Variants in NEGR1 observed in about 807,000 individuals in gnomAD.
The protein encoded by NEGR1 is neuronal growth regulator 1.
NEGR1 carries 10 observed loss-of-function variants against 40.9 expected under a neutral mutation model. The observed-to-expected ratio is 0.24, with a 90% confidence interval of 0.15 to 0.42. The LOEUF (loss-of-function observed/expected upper bound fraction) is 0.42, where lower values mean the gene tolerates loss of function less well. Ranked by LOEUF, NEGR1 falls within the 10% of genes least tolerant of loss-of-function variation. NEGR1 has a pLI of 1.00. For synonymous variants in NEGR1, 185 were observed against 166.8 expected, an observed-to-expected ratio of 1.11 and a Z score of -0.84; for missense variants, 352 against 438.9, an observed-to-expected ratio of 0.80 and a Z score of 1.77.
At chr1:72,197,703 C>G (rs1653049822) in intron 1 of NEGR1, among the ~76,000 whole-genome samples, 2 of 151,952 alleles carry the variant, frequency 1.3e-5, no homozygotes, top group African/African-American at 4.8e-5. Flanking sequence ...TATAATATTA[C>G]AACCAGCGAA....
intron 6 of NEGR1, among the ~76,000 whole-genome samples, chr1:71,506,788 A>T (rs1372809786): frequency 6.6e-6 from 1 of 151,104 alleles, no homozygotes; most frequent in Non-Finnish European, 1.5e-5. Flanking sequence ...ATCCAAAGTG[A>T]TGGATAAAAA....
intron 2 of NEGR1, among the ~76,000 whole-genome samples, chr1:71,872,370 T>A (rs544101227): frequency 6.6e-6 from 1 of 152,174 alleles, no homozygotes; most frequent in African/African-American, 2.4e-5. Context: ...AGTAGTATTG[T>A]GTTGTAGACG....
chr1:71,494,529 T>A (rs1646949366), intron 6 of NEGR1, among the ~76,000 whole-genome samples: 1 of 152,180 alleles, frequency 6.6e-6, no homozygotes, highest in Admixed American at 6.5e-5. Context: ...TCCCCTGTAA[T>A]AACCCATGAC....
intron 6 of NEGR1, among the ~76,000 whole-genome samples, chr1:71,580,022 G>A (rs1240865412): frequency 6.6e-6 from 1 of 152,074 alleles, no homozygotes; most frequent in Non-Finnish European, 1.5e-5. Flanking sequence ...GCTCATTGCG[G>A]CATTATTCAC....
intron 1 of NEGR1, among the ~76,000 whole-genome samples, chr1:72,143,084 T>C (rs12083412): frequency 3.2e-4 from 49 of 152,058 alleles, no homozygotes; most frequent in African/African-American, 1.2e-3. Flanking sequence ...CAAAACAAAA[T>C]CTTCTTTCTC....
intron 4 of NEGR1, among the ~76,000 whole-genome samples, chr1:71,632,296 A>C (rs1650993676): frequency 1.3e-5 from 2 of 151,346 alleles, no homozygotes; most frequent in South Asian, 4.1e-4. Context: ...ATATATGTGA[A>C]TATTTTAATA....
chr1:71,532,484 T>C (rs1647386168), intron 6 of NEGR1, among the ~76,000 whole-genome samples: 1 of 151,638 alleles, frequency 6.6e-6, no homozygotes, highest in Non-Finnish European at 1.5e-5. Context: ...TCTTGCTTCA[T>C]AATGATTTTA....
intron 1 of NEGR1, among the ~76,000 whole-genome samples, chr1:72,010,424 A>G (rs773605184): frequency 7.7e-4 from 117 of 152,224 alleles, no homozygotes; most frequent in Admixed American, 1.2e-3. Flanking sequence ...TTTTATCTTT[A>G]TTTTTCTAAT....
chr1:71,654,962 G>A (rs1283535965), intron 4 of NEGR1, among the ~76,000 whole-genome samples: 1 of 152,116 alleles, frequency 6.6e-6, no homozygotes, highest in Non-Finnish European at 1.5e-5. Context: ...TGAATTTGAA[G>A]TGAAATCACC....
intron 4 of NEGR1, among the ~76,000 whole-genome samples, chr1:71,690,156 G>A (rs1454348407): frequency 1.3e-5 from 2 of 151,504 alleles, no homozygotes; most frequent in Non-Finnish European, 1.5e-5. Context: ...ACACACAAAC[G>A]TGCATTGTCA....
At chr1:71,809,759 T>C (rs1657920990) in intron 2 of NEGR1, among the ~76,000 whole-genome samples, 1 of 152,118 alleles carries the variant, frequency 6.6e-6, no homozygotes, top group Non-Finnish European at 1.5e-5. Context: ...TGTGTATGTG[T>C]GCGCGCACAT....
intron 5 of NEGR1, among the ~76,000 whole-genome samples, chr1:71,600,765 G>C (rs1649890820): frequency 6.6e-6 from 1 of 152,198 alleles, no homozygotes; most frequent in Non-Finnish European, 1.5e-5. Flanking sequence ...TTATTCCAGG[G>C]ACAGTGAAGA....
chr1:71,533,067 A>G (rs1647406241), intron 6 of NEGR1, among the ~76,000 whole-genome samples: 2 of 151,556 alleles, frequency 1.3e-5, no homozygotes, highest in Non-Finnish European at 3.0e-5. Flanking sequence ...CCAAAATCCA[A>G]TTTTATGAGG....
intron 1 of NEGR1, among the ~76,000 whole-genome samples, chr1:72,020,186 G>A (rs991833029): frequency 5.3e-5 from 8 of 152,078 alleles, no homozygotes; most frequent in Admixed American, 2.6e-4. Flanking sequence ...ATGGGTTAGC[G>A]AGCAGGAAAT....
In NEGR1 at chr1:71,666,783, A is replaced by G. The variant is rs142398807; in HGVS notation, c.667+31225T>C. Reference sequence around the variant, plus strand: ...CAGGGCTGAGTAACTCCTGGATTTCATCATACTTTAAAGTATAATTTTGAA... The same window carrying G: ...CAGGGCTGAGTAACTCCTGGATTTCGTCATACTTTAAAGTATAATTTTGAA... On this transcript the variant is annotated intron_variant, in intron 4 of 6. Coordinates refer to ENST00000357731, the MANE Select transcript of NEGR1 (RefSeq NM_173808.3). 2.8e-4 allele frequency among the ~76,000 whole-genome samples: 42 copies of G among 152,312 alleles called. No individual in the cohort carries two copies. The East Asian group carries it at 7.7e-3, about 28-fold the overall frequency.
intron 2 of NEGR1, among the ~76,000 whole-genome samples, chr1:71,818,207 T>C (rs185070360): frequency 1.1e-3 from 161 of 152,112 alleles, no homozygotes; most frequent in African/African-American, 3.3e-3. Context: ...GGAATATAAA[T>C]CATTCTACCA....
intron 3 of NEGR1, among the ~76,000 whole-genome samples, chr1:71,742,390 T>C (rs1655244190): frequency 6.6e-6 from 1 of 152,132 alleles, no homozygotes; most frequent in South Asian, 2.1e-4. Flanking sequence ...GTGGGAGTTC[T>C]GCCCCACTGG....
intron 4 of NEGR1, among the ~76,000 whole-genome samples, chr1:71,687,431 G>A (rs1005325948): frequency 1.3e-5 from 2 of 152,128 alleles, no homozygotes; most frequent in Non-Finnish European, 2.9e-5. Flanking sequence ...TTATTTGTTT[G>A]TTTTTTGCAC....
At chr1:71,928,448 G>GTATATATACACGCA (rs1645819141) in intron 2 of NEGR1, among the ~76,000 whole-genome samples, 1 of 127,684 alleles carries the variant, frequency 7.8e-6, no homozygotes, top group African/African-American at 2.9e-5. Context: ...ACATATATAT[G>GTATATATACACGCA]TATATATACA....
Sources: allele counts gnomAD v4.1 joint callset (sites outside exome capture counted in the v4.1 genomes callset), GRCh38; gene constraint gnomAD v4.1.1; transcripts MANE v1.5; gene names NCBI Gene and HGNC (gene_info 2026-07-23, HGNC 2026-07-21).